Variants in RPRD1A observed in about 807,000 individuals in gnomAD.
The protein encoded by RPRD1A is regulation of nuclear pre-mRNA domain containing 1A.
A neutral mutation model predicts 37.8 loss-of-function variants in RPRD1A; 9 were observed. That is an observed-to-expected ratio of 0.24 (90% CI 0.14 to 0.42). The LOEUF is 0.42. RPRD1A is among the 10% of genes least tolerant of loss of function. The probability of loss-of-function intolerance (pLI) is 1.00; values close to 1 mark genes in which losing one functional copy is unlikely to be tolerated. For synonymous variants in RPRD1A, 138 were observed against 139.7 expected (o/e 0.99, Z 0.08); for missense variants, 255 against 371.0 (o/e 0.69, Z 2.57).
Position 36,026,766 on chromosome 18 carries a change from A to G in RPRD1A, c.789+134T>C, listed in dbSNP as rs889895989. 1.0e-4 allele frequency: 66 copies of G among 639,976 alleles called. 2 individuals are homozygous for G. In the South Asian group the frequency reaches 2.0e-3, roughly 20 times the overall value. The allele number at this position is 639,976 out of a possible 1,614,324, so 39.6% of individuals were successfully genotyped here. ...AAGAAAAACCATTAATACAAGGAGAAGCTTACCTGGGCTACTGCTTAAAAA... is the reference window on the plus strand; with the variant it reads ...AAGAAAAACCATTAATACAAGGAGAGGCTTACCTGGGCTACTGCTTAAAAA... On this transcript the variant is annotated intron_variant, in intron 6 of 6. Coordinates refer to ENST00000399022, the MANE Select transcript of RPRD1A (RefSeq NM_018170.5).
At position 35,997,824 on chromosome 18, in the gene RPRD1A, G is replaced by C. The variant is rs114512041; in HGVS notation, c.790-4524C>G. Among the ~76,000 whole-genome samples the C allele has an allele frequency of 6.2e-3, 947 of 152,182 alleles. 21 individuals carry two copies. Among genetic ancestry groups the C allele is most frequent in the African/African-American group, 0.022 (901 of 41,530 alleles). On this transcript the variant is annotated intron_variant, in intron 6 of 6. Coordinates refer to ENST00000399022, the MANE Select transcript of RPRD1A (RefSeq NM_018170.5). Reference sequence around the variant, plus strand: ...TAACCAACACCTAGATCAAGATATAGGCTTTTTCAGAACCCCAGAAATTTT... The same window carrying C: ...TAACCAACACCTAGATCAAGATATACGCTTTTTCAGAACCCCAGAAATTTT...
At chr18:36,040,132 AT>A (rs1252424814) in intron 1 of RPRD1A, among the ~76,000 whole-genome samples, 1 of 152,202 alleles carries the variant, frequency 6.6e-6, no homozygotes, top group Non-Finnish European at 1.5e-5. Flanking sequence ...AAATCCTCAA[AT>A]TTTAAGTGTA....
At chr18:36,050,964 G>A (rs1913349033) in intron 1 of RPRD1A, among the ~76,000 whole-genome samples, 1 of 146,222 alleles carries the variant, frequency 6.8e-6, no homozygotes, top group Non-Finnish European at 1.5e-5. Flanking sequence ...GTTGACTTTT[G>A]AATAACACAG....
chr18:36,038,246 A>G (rs530537556), intron 1 of RPRD1A, among the ~76,000 whole-genome samples: 1 of 152,282 alleles, frequency 6.6e-6, no homozygotes, highest in East Asian at 1.9e-4. Context: ...GGAGGAAAAA[A>G]TGGTTTCCTG....
intron 1 of RPRD1A, among the ~76,000 whole-genome samples, chr18:36,055,431 A>ATTAGCCT (rs1913694931): frequency 6.6e-6 from 1 of 152,240 alleles, no homozygotes; most frequent in Admixed American, 6.5e-5. Context: ...ACGAGAATCA[A>ATTAGCCT]GTAAGATACA....
chr18:36,059,891 A>C (rs1598672101), intron 1 of RPRD1A, among the ~76,000 whole-genome samples: 2 of 152,330 alleles, frequency 1.3e-5, no homozygotes, highest in South Asian at 2.1e-4. Flanking sequence ...AGTGTTAAGA[A>C]AGACTATAAC....
intron 6 of RPRD1A, among the ~76,000 whole-genome samples, chr18:36,016,095 T>C (rs1910551170): frequency 6.6e-6 from 1 of 152,228 alleles, no homozygotes; most frequent in South Asian, 2.1e-4. Context: ...AAAAAAACTA[T>C]GTAAAATAAA....
At chr18:36,015,119 T>C (rs1424771359) in intron 6 of RPRD1A, among the ~76,000 whole-genome samples, 3 of 143,906 alleles carry the variant, frequency 2.1e-5, no homozygotes, top group South Asian at 2.1e-4. Flanking sequence ...AAGTTGAAAG[T>C]AGGGTCTCAC....
At chr18:36,003,910 C>T (rs1184738567) in intron 6 of RPRD1A, among the ~76,000 whole-genome samples, 3 of 152,036 alleles carry the variant, frequency 2.0e-5, no homozygotes, top group Admixed American at 6.6e-5. Flanking sequence ...GTGATCCTCC[C>T]ACCTTGGCCT....
intron 1 of RPRD1A, among the ~76,000 whole-genome samples, chr18:36,044,602 C>T (rs1344189599): frequency 6.6e-6 from 1 of 152,050 alleles, no homozygotes; most frequent in East Asian, 1.9e-4. Flanking sequence ...GCACAAGAAT[C>T]ACTTGAACCC....
intron 1 of RPRD1A, among the ~76,000 whole-genome samples, chr18:36,055,517 C>T (rs1359195008): frequency 1.3e-5 from 2 of 152,082 alleles, no homozygotes; most frequent in African/African-American, 2.4e-5. Context: ...TTTTACAAAG[C>T]ATCATGAAGT....
intron 6 of RPRD1A, among the ~76,000 whole-genome samples, chr18:36,019,277 T>C (rs983033229): frequency 6.6e-6 from 1 of 151,802 alleles, no homozygotes; most frequent in Admixed American, 6.6e-5. Flanking sequence ...CTGGCTAATT[T>C]TTTATATTTT....
At chr18:36,004,996 A>T (rs1280703376) in intron 6 of RPRD1A, among the ~76,000 whole-genome samples, 1 of 152,200 alleles carries the variant, frequency 6.6e-6, no homozygotes, top group East Asian at 1.9e-4. Flanking sequence ...TTTCACAGAG[A>T]CTTTTTAAAA....
At chr18:36,040,667 C>T in intron 1 of RPRD1A, 1 of 521,954 alleles carries the variant, frequency 1.9e-6, no homozygotes, top group South Asian at 2.9e-5. Context: ...GAATTCAAAA[C>T]TAGAGTTGTG....
chr18:36,018,027 A>G (rs1472570728), intron 6 of RPRD1A, among the ~76,000 whole-genome samples: 1 of 152,216 alleles, frequency 6.6e-6, no homozygotes, highest in Non-Finnish European at 1.5e-5. Flanking sequence ...TCAAGACGAT[A>G]ATTTACTCCT....
intron 1 of RPRD1A, among the ~76,000 whole-genome samples, chr18:36,053,746 G>C (rs1913564493): frequency 6.6e-6 from 1 of 152,148 alleles, no homozygotes; most frequent in African/African-American, 2.4e-5. Context: ...ACAGCTAGTA[G>C]GTAAATGAGA....
In RPRD1A at chr18:36,064,894, C is replaced by T. The variant is rs1233408555; in HGVS notation, c.151+2360G>A. 2.6e-5 allele frequency among the ~76,000 whole-genome samples: 4 copies of T among 151,158 alleles called. No individual in the cohort carries two copies. The Middle Eastern group carries it at 0.01, about 386-fold the overall frequency. On this transcript the variant is annotated intron_variant, in intron 1 of 6. Coordinates refer to ENST00000399022, the MANE Select transcript of RPRD1A (RefSeq NM_018170.5). Reference sequence around the variant, plus strand: ...TCTGCAGCTTCACTCCTGAAGCCAGCGAGACCACGAATCCACCGAGAGGGA... The same window carrying T: ...TCTGCAGCTTCACTCCTGAAGCCAGTGAGACCACGAATCCACCGAGAGGGA...
intron 1 of RPRD1A, among the ~76,000 whole-genome samples, chr18:36,038,580 T>A (rs553157028): frequency 6.6e-6 from 1 of 152,318 alleles, no homozygotes; most frequent in South Asian, 2.1e-4. Context: ...AAATGTGGGA[T>A]TGGAGCTCTC....
intron 1 of RPRD1A, among the ~76,000 whole-genome samples, chr18:36,052,129 A>C (rs1162108744): frequency 6.7e-6 from 1 of 148,500 alleles, no homozygotes; most frequent in African/African-American, 2.5e-5. Context: ...ACCAGAAAAC[A>C]GTGAGACAAT....
Sources: gnomAD v4.1 joint callset for allele counts (sites outside exome capture counted in the v4.1 genomes callset) on GRCh38, gnomAD v4.1.1 for gene constraint, MANE v1.5 for transcripts, NCBI Gene and HGNC (gene_info 2026-07-23, HGNC 2026-07-21) for gene names.